Variants in RNF175 observed in about 807,000 individuals in gnomAD.
RNF175 encodes the protein ring finger protein 175.
A neutral mutation model predicts 50.0 loss-of-function variants in RNF175; 38 were observed. The ratio of observed to expected loss-of-function variants is 0.76; its 90% CI spans 0.59 to 1.00. The LOEUF (loss-of-function observed/expected upper bound fraction) is 1.00. Among genes scored for constraint, RNF175 ranks in the 50% least tolerant of loss-of-function variants. The pLI is 0.00. For missense variants in RNF175, 388 were observed against 409.6 expected (o/e 0.95, Z 0.46); for synonymous variants, 155 against 146.1 (o/e 1.06, Z -0.44).
At chr4:153,717,534 A>AACACACACAC (rs61710163) in intron 6 of RNF175, among the ~76,000 whole-genome samples, 5 of 149,674 alleles carry the variant, frequency 3.3e-5, no homozygotes, top group Admixed American at 6.7e-5. Context: ...TACACACACA[A>AACACACACAC]ACACACACAC....
chr4:153,722,265 C>T (rs566833505), intron 5 of RNF175, among the ~76,000 whole-genome samples: 64 of 152,316 alleles, frequency 4.2e-4, no homozygotes, highest in African/African-American at 1.5e-3. Context: ...TCTCAGCAAC[C>T]ACCTTAAGTG....
intron 3 of RNF175, among the ~76,000 whole-genome samples, chr4:153,735,590 T>G (rs1161025958): frequency 1.3e-5 from 2 of 152,222 alleles, no homozygotes; most frequent in African/African-American, 4.8e-5. Flanking sequence ...TGAGATTGTG[T>G]TTAATCTATA....
intron 1 of RNF175, among the ~76,000 whole-genome samples, chr4:153,757,747 C>A (rs544599368): frequency 2.6e-5 from 4 of 151,812 alleles, no homozygotes. Flanking sequence ...CTCCTAAACC[C>A]ATGGTCTCTG....
intron 3 of RNF175, among the ~76,000 whole-genome samples, chr4:153,733,301 T>C (rs926792572): frequency 3.9e-5 from 6 of 152,206 alleles, no homozygotes; most frequent in African/African-American, 1.4e-4. Flanking sequence ...AAAAATAATA[T>C]GCATAAATAA....
chr4:153,721,452 G>A (rs1405138937), intron 5 of RNF175: 1 of 152,170 alleles, frequency 6.6e-6, no homozygotes, highest in Non-Finnish European at 1.5e-5. Context: ...GATATGAACT[G>A]AGGCTTCCAA....
chr4:153,747,815 T>C (rs1163838585), intron 3 of RNF175, among the ~76,000 whole-genome samples: 1 of 152,242 alleles, frequency 6.6e-6, no homozygotes, highest in Admixed American at 6.5e-5. Context: ...CTTCTTCGTA[T>C]CAATTTTCTT....
At chr4:153,746,038 G>C (rs532318066) in intron 3 of RNF175, among the ~76,000 whole-genome samples, 311 of 152,264 alleles carry the variant, frequency 2.0e-3, no homozygotes, top group Middle Eastern at 6.8e-3. Flanking sequence ...AACTTGTTCT[G>C]GTAAAAGTCC....
intron 1 of RNF175, 136 bp downstream of exon 1, chr4:153,759,661 C>A (rs1740729572): frequency 1.8e-6 from 1 of 541,710 alleles, no homozygotes; most frequent in Non-Finnish European, 3.1e-6. Flanking sequence ...GCGTCCGTCC[C>A]CACGTCTTTC....
At chr4:153,757,051 A>G (rs114876166) in intron 1 of RNF175, among the ~76,000 whole-genome samples, 2,359 of 151,884 alleles carry the variant, frequency 0.016, 57 homozygotes, top group African/African-American at 0.053. Context: ...CCCTCTCTCC[A>G]CTGCCCCTGC....
At chr4:153,728,785 A>G (rs1352837278) in intron 3 of RNF175, among the ~76,000 whole-genome samples, 2 of 152,164 alleles carry the variant, frequency 1.3e-5, no homozygotes, top group South Asian at 2.1e-4. Context: ...ACCATACTGC[A>G]CTACACAGAG....
At chr4:153,723,216 G>A (rs940227112) in intron 5 of RNF175, 135 bp downstream of exon 5, 20 of 512,502 alleles carry the variant, frequency 3.9e-5, no homozygotes, top group Admixed American at 9.7e-5. Context: ...AGAAGACTAC[G>A]TGTGGATATC....
At chr4:153,712,432 C>T in intron 8 of RNF175, 43 bp downstream of exon 8, 2 of 1,079,458 alleles carry the variant, frequency 1.9e-6, no homozygotes, top group East Asian at 2.4e-5. Flanking sequence ...TCCCCAGAAA[C>T]ATTCAAGATA....
intron 2 of RNF175, 137 bp downstream of exon 2, chr4:153,751,301 G>A: frequency 1.5e-6 from 1 of 671,614 alleles, no homozygotes; most frequent in Non-Finnish European, 2.6e-6. Context: ...TTGGTCTGTA[G>A]TATTTGTGTA....
intron 4 of RNF175, among the ~76,000 whole-genome samples, chr4:153,725,588 C>T (rs971754674): frequency 6.6e-6 from 1 of 152,172 alleles, no homozygotes; most frequent in African/African-American, 2.4e-5. Context: ...ATTAATGAAG[C>T]CATAGCATGC....
At chr4:153,742,396 G>A (rs1389631795) in intron 3 of RNF175, among the ~76,000 whole-genome samples, 1 of 151,594 alleles carries the variant, frequency 6.6e-6, no homozygotes, top group African/African-American at 2.4e-5. Context: ...ATCAATGGTT[G>A]AGCATTCTCT....
At chr4:153,719,829 AGC>A in intron 6 of RNF175, among the ~76,000 whole-genome samples, 1 of 152,220 alleles carries the variant, frequency 6.6e-6, no homozygotes, top group African/African-American at 2.4e-5. Context: ...TTTCAGACAG[AGC>A]TGAAAGGTTT....
Position 153,710,379 on chromosome 4 carries a change from C to G in RNF175, c.977G>C (p.Gly326Ala). ...CTGGGGTCTGCTGTCCTATTCCAGC[C>G]CTAGTGAATAGATAATGCCTTGAAC... is the stretch of plus-strand genomic sequence containing the variant. ...GIVQGIIYSL[G>A]LE The change falls in exon 9 of 9, where the codon GGG becomes GCG. Residue 326 changes from glycine (G) to alanine (A), a missense_variant. Physicochemically the swap from Gly to Ala is moderately conservative, Grantham distance 60. Transcript: ENST00000347063. 1 of 1,554,900 alleles carries G rather than the reference C, an allele frequency of 6.4e-7. No individual in the cohort carries two copies. The highest frequency in any genetic ancestry group is 8.7e-7 in the Non-Finnish European group (1 of 1,147,748).
chr4:153,729,059 G>A (rs1003027008), intron 3 of RNF175, among the ~76,000 whole-genome samples: 1 of 152,216 alleles, frequency 6.6e-6, no homozygotes, highest in Non-Finnish European at 1.5e-5. Flanking sequence ...CTGACTGTCT[G>A]TGGGTCACTG....
Position 153,759,954 on chromosome 4 carries a change from C to G in RNF175, c.-92G>C. The G allele has an allele frequency of 1.3e-6, 1 of 741,774 alleles. No homozygotes were observed. Among genetic ancestry groups the G allele is most frequent in the Non-Finnish European group, 1.9e-6 (1 of 526,798 alleles). 45.9% of individuals were successfully genotyped at this position (741,774 alleles called of 1,614,324 possible). A position where few individuals can be genotyped will look rare whatever the true frequency, so the allele number is the denominator to read the frequency against. On this transcript the variant is annotated 5_prime_UTR_variant, in exon 1 of 9. Transcript: ENST00000347063. ...AGGAGGCGCCGCGGGGCCTCGGGAG[C>G]CGAGGGTGAGAGCCGGATCTGCGGC...
Sources: allele counts gnomAD v4.1 joint callset (sites outside exome capture counted in the v4.1 genomes callset), GRCh38; gene constraint gnomAD v4.1.1; transcripts MANE v1.5; gene names NCBI Gene and HGNC (gene_info 2026-07-23, HGNC 2026-07-21).